Variants in FAT1 observed in about 807,000 individuals in gnomAD.
FAT1 encodes FAT atypical cadherin 1, also known as protocadherin Fat 1.
A neutral mutation model predicts 329.8 loss-of-function variants in FAT1; 171 were observed. The observed-to-expected ratio is 0.52, with a 90% CI of 0.46 to 0.59. The LOEUF is 0.59. FAT1 is among the 20% of genes least tolerant of loss of function. FAT1 has a pLI of 0.00. For synonymous variants in FAT1, 2,233 were observed against 2,228.6 expected (o/e 1.00, Z -0.06); for missense variants, 5,672 against 5,774.4 (o/e 0.98, Z 0.57).
chr4:186,621,685 T>A lies in FAT1; in HGVS notation c.4901A>T (p.Asp1634Val), dbSNP rs2126527633. 1 of 1,613,956 alleles carries A rather than the reference T, an allele frequency of 6.2e-7. No homozygotes were observed. The highest frequency in any genetic ancestry group is 8.5e-7 in the Non-Finnish European group (1 of 1,179,870). The change falls in exon 10 of 27, where the codon GAT becomes GTT. Residue 1634 changes from aspartate to valine, a missense_variant. Physicochemically the swap from Asp to Val is radical, Grantham distance 152. Transcript: ENST00000441802. ...CTTATCTGTAGCTTTTACCATTAAA[T>A]CATACTCCGCTTGGTTACTTCGATC... ...ELDRSNQAEY[D>V]LMVKATDKGS...
rs370215067 is a variant in FAT1 at position 186,707,699 on chromosome 4, T to C, written c.2129A>G (p.Asn710Ser). 174 of 1,613,928 alleles carry C rather than the reference T, an allele frequency of 1.1e-4. No individual in the cohort carries two copies. The African/African-American group carries it at 1.7e-3, about 16-fold the overall frequency. Residue 710 changes from asparagine to serine, a missense_variant, in exon 2 of 27, where the codon AAT becomes AGT. Around this residue, in one of 2 missense-constraint regions of FAT1, gnomAD observed 3,966 missense variants for 3,915.2 expected, o/e 1.01. Coordinates refer to ENST00000441802, the MANE Select transcript of FAT1 (RefSeq NM_005245.4). ...GCTTCTAAACTGCGGTATGTGAGCA[T>C]TGACAGAGTGAGAATCGAAGAAAAT... ...EDIFFDSHSV[N>S]AHIPQFRSTL...
At chr4:186,613,555 CA>C (rs1739565724) in intron 12 of FAT1, among the ~76,000 whole-genome samples, 1 of 152,218 alleles carries the variant, frequency 6.6e-6, no homozygotes, top group Non-Finnish European at 1.5e-5. Flanking sequence ...TTAAGTCCTG[CA>C]GGTCTGAGGC....
chr4:186,679,378 C>T (rs940824964), intron 2 of FAT1, among the ~76,000 whole-genome samples: 3 of 141,030 alleles, frequency 2.1e-5, no homozygotes, highest in South Asian at 2.2e-4. Context: ...GATCGCACCA[C>T]TGCACTCCAG....
At chr4:186,656,483 G>A (rs1741909619) in intron 3 of FAT1, among the ~76,000 whole-genome samples, 1 of 152,214 alleles carries the variant, frequency 6.6e-6, no homozygotes, top group South Asian at 2.1e-4. Flanking sequence ...TGCACGTTGT[G>A]CCATGTGATT....
rs373112377 is a variant in FAT1 at position 186,619,007 on chromosome 4, C to A, written c.7579G>T (p.Val2527Phe). Residue 2527 changes from valine to phenylalanine, a missense_variant, in exon 10 of 27, where the codon GTT (valine) becomes TTT (phenylalanine). Physicochemically the swap from Val to Phe is conservative, Grantham distance 50. This residue lies in a region of FAT1 where 3,966 missense variants were observed against 3,915.2 expected (regional missense o/e 1.01). Coordinates refer to ENST00000441802, the MANE Select transcript of FAT1 (RefSeq NM_005245.4). ...AAGTCATTTACAATATGGTAAGTAA[C>A]GTGACCATAAATACCAGAATCCCCA... ...TDGDSGIYGH[V>F]TYHIVNDFAK... 3.1e-6 allele frequency: 5 copies of A among 1,614,004 alleles called. No individual in the cohort carries two copies. In the South Asian group the frequency reaches 5.5e-5, roughly 18 times the overall value.
Position 186,620,708 on chromosome 4 carries a change from C to G in FAT1, c.5878G>C (p.Ala1960Pro), listed in dbSNP as rs2126518297. 1 of 1,613,984 alleles carries G rather than the reference C, an allele frequency of 6.2e-7. No individual in the cohort carries two copies. The highest frequency in any genetic ancestry group is 8.5e-7 in the Non-Finnish European group (1 of 1,179,900). Reference protein sequence around the residue: ...LTVRASDGRFAGLTSVKINVK... With the variant: ...LTVRASDGRFPGLTSVKINVK... ...TTAATTTTGACAGAGGTAAGGCCGG[C>G]AAATCTGCCATCGGAAGCTCTAACG... The change falls in exon 10 of 27, where the codon GCC (alanine) becomes CCC (proline). Residue 1960 changes from alanine (A) to proline (P), a missense_variant. By Grantham distance (27) the Ala-to-Pro change is conservative (BLOSUM62 -1). Transcript: ENST00000441802.
chr4:186,643,710 G>A (rs1741212163), intron 3 of FAT1, among the ~76,000 whole-genome samples: 2 of 151,908 alleles, frequency 1.3e-5, no homozygotes, highest in Non-Finnish European at 2.9e-5. Context: ...CTGCACTCTG[G>A]CCATACAAGA....
chr4:186,720,286 T>C (rs1268892827), intron 1 of FAT1, among the ~76,000 whole-genome samples: 3 of 152,256 alleles, frequency 2.0e-5, no homozygotes, highest in South Asian at 2.1e-4. Context: ...TTTCTTTCTT[T>C]TTCTCTCTCC....
In FAT1 at chr4:186,588,582, G is replaced by A. The variant is rs770816787; in HGVS notation, c.*10C>T. 1.2e-6 allele frequency: 2 copies of A among 1,602,456 alleles called. No homozygotes were observed. Among genetic ancestry groups the A allele is most frequent in the East Asian group, 4.5e-5 (2 of 44,782 alleles). ...TCACTAAAGTCAGGCACTTTGGGGG[G>A]AGTTGAGAGTCAGACTTCCGTGTGC... On this transcript the variant is annotated 3_prime_UTR_variant, in exon 27 of 27. Coordinates refer to ENST00000441802, the MANE Select transcript of FAT1 (RefSeq NM_005245.4).
At position 186,603,893 on chromosome 4, in the gene FAT1, T is replaced by A. The variant is rs2126434898; in HGVS notation, c.10633A>T (p.Ile3545Phe). 1.9e-6 allele frequency: 3 copies of A among 1,613,888 alleles called. No homozygotes were observed. The highest frequency in any genetic ancestry group is 2.5e-6 in the Non-Finnish European group (3 of 1,179,840). Residue 3545 changes from isoleucine to phenylalanine, a missense_variant, in exon 19 of 27, where the codon ATT (isoleucine) becomes TTT (phenylalanine). Physicochemically the swap from Ile to Phe is conservative, Grantham distance 21. Coordinates refer to ENST00000441802, the MANE Select transcript of FAT1 (RefSeq NM_005245.4). Reference sequence around the variant, plus strand: ...GTGATGAAAATCTCCAGGGGCAAAATCGCAGGCGGATAGATGCTCTCCTCA... The same window carrying A: ...GTGATGAAAATCTCCAGGGGCAAAAACGCAGGCGGATAGATGCTCTCCTCA... ...VIEESIYPPA[I>F]LPLEIFITSS...
At chr4:186,704,861 A>T (rs761355181) in intron 2 of FAT1, among the ~76,000 whole-genome samples, 2 of 152,094 alleles carry the variant, frequency 1.3e-5, no homozygotes, top group Non-Finnish European at 2.9e-5. Flanking sequence ...CATAGGCCAT[A>T]TGCTAGTGGC....
At chr4:186,606,448 T>A (rs1042300294) in intron 16 of FAT1, among the ~76,000 whole-genome samples, 14 of 152,180 alleles carry the variant, frequency 9.2e-5, no homozygotes, top group African/African-American at 3.4e-4. Flanking sequence ...CTCTTAAATA[T>A]GTACTTGTTT....
chr4:186,636,970 G>C (rs954843081), intron 4 of FAT1, 56 bp from the exon 5 acceptor site: 1 of 1,462,978 alleles, frequency 6.8e-7, no homozygotes, highest in African/African-American at 1.4e-5. Context: ...TAAAAAGTGA[G>C]CATCTTCTTC....
intron 2 of FAT1, 133 bp downstream of exon 2, chr4:186,706,430 A>C (rs893891491): frequency 1.0e-6 from 1 of 953,696 alleles, no homozygotes; most frequent in Non-Finnish European, 1.6e-6. Context: ...GCCAAAAAAA[A>C]TATTCACACG....
intron 26 of FAT1, among the ~76,000 whole-genome samples, chr4:186,591,871 G>A (rs1414751791): frequency 2.6e-5 from 4 of 152,106 alleles, no homozygotes; most frequent in Non-Finnish European, 4.4e-5. Context: ...AGGATCCCCC[G>A]AACTCTATGA....
intron 9 of FAT1, 90 bp downstream of exon 9, chr4:186,628,064 T>C: frequency 2.9e-6 from 4 of 1,366,356 alleles, no homozygotes; most frequent in African/African-American, 1.4e-5. Context: ...TACATAGAAA[T>C]GCTTCAATAC....
rs1247333195 is a variant in FAT1, at chr4:186,692,158, A to G, written c.3265+14405T>C. On this transcript the variant is annotated intron_variant, in intron 2 of 26. Transcript: ENST00000441802. The stretch of plus-strand genomic sequence containing the variant: ...ATGCTTAGTGAGTCAATACAGTTAC[A>G]CGTTTCTATTTCAAATCCTAAGATT... Among the ~76,000 whole-genome samples the G allele has an allele frequency of 2.0e-5, 3 of 152,220 alleles. No homozygotes were observed. In the East Asian group the frequency reaches 5.8e-4, roughly 29 times the overall value.
At chr4:186,689,865 A>C (rs551188186) in intron 2 of FAT1, among the ~76,000 whole-genome samples, 2 of 152,286 alleles carry the variant, frequency 1.3e-5, no homozygotes, top group Non-Finnish European at 2.9e-5. Flanking sequence ...CTTAATATCC[A>C]GAGGAAAATT....
intron 4 of FAT1, among the ~76,000 whole-genome samples, chr4:186,638,042 C>G (rs1194398892): frequency 6.6e-6 from 1 of 152,148 alleles, no homozygotes; most frequent in Non-Finnish European, 1.5e-5. Context: ...TATTCATCAC[C>G]AAATTGTTCC....
Sources: gnomAD v4.1 joint callset for allele counts (sites outside exome capture counted in the v4.1 genomes callset) on GRCh38, gnomAD v4.1.1 for gene constraint, gnomAD v4.1.1 regional missense constraint, MANE v1.5 for transcripts, NCBI Gene and HGNC (gene_info 2026-07-23, HGNC 2026-07-21) for gene names.